Variants in ARHGAP20 observed in about 807,000 individuals in gnomAD.
ARHGAP20 encodes the protein rho GTPase-activating protein 20.
ARHGAP20 carries 34 observed loss-of-function variants against 73.7 expected under a neutral mutation model. That is an observed-to-expected ratio of 0.46 (90% CI 0.35 to 0.61). The LOEUF is 0.61. ARHGAP20 is among the 20% of genes least tolerant of loss of function. The pLI is 0.00. For missense variants in ARHGAP20, 1,314 were observed against 1,420.9 expected, an observed-to-expected ratio of 0.92 and a Z score of 1.21; for synonymous variants, 523 against 518.2, an observed-to-expected ratio of 1.01 and a Z score of -0.13.
intron 9 of ARHGAP20, 56 bp downstream of exon 9, chr11:110,606,505 T>C: frequency 1.9e-6 from 3 of 1,546,690 alleles, no homozygotes; most frequent in Non-Finnish European, 2.6e-6. Context: ...TTTGAGTCTT[T>C]GCCTTTGTAC....
chr11:110,686,529 TA>T (rs1011255399), intron 2 of ARHGAP20, among the ~76,000 whole-genome samples: 1 of 152,152 alleles, frequency 6.6e-6, no homozygotes, highest in Non-Finnish European at 1.5e-5. Context: ...TTGTCAATTG[TA>T]AATACTTCCT....
chr11:110,611,286 G>A (rs758372460), intron 7 of ARHGAP20, 23 bp downstream of exon 7: 1 of 1,422,406 alleles, frequency 7.0e-7, no homozygotes, highest in Non-Finnish European at 9.6e-7. Context: ...TTTTAATTAA[G>A]AATGTCTAGC....
chr11:110,700,324 G>T lies in ARHGAP20; in HGVS notation c.106-9695C>A, dbSNP rs573574591. Among the ~76,000 whole-genome samples, 5 of 152,060 alleles carry T rather than the reference G, an allele frequency of 3.3e-5. No individual in the cohort carries two copies. The East Asian group carries it at 7.7e-4, about 24-fold the overall frequency. On this transcript the variant is annotated intron_variant, in intron 1 of 14. Transcript: ENST00000683387. ...AGCATAGTATTAAAATAAGGGCACT[G>T]GGAAAGCTTTTATAGAACTCTAAAT... is the stretch of plus-strand genomic sequence containing the variant.
At chr11:110,688,269 A>AC (rs1255074263) in intron 2 of ARHGAP20, among the ~76,000 whole-genome samples, 4 of 150,072 alleles carry the variant, frequency 2.7e-5, no homozygotes, top group East Asian at 2.0e-4. Context: ...GGTTAGTAAC[A>AC]CCCCCTCCTC....
At chr11:110,625,038 T>A (rs566094562) in intron 3 of ARHGAP20, among the ~76,000 whole-genome samples, 1,564 of 141,274 alleles carry the variant, frequency 0.011, 13 homozygotes, top group South Asian at 0.027. Context: ...TTTTATTTTT[T>A]TTTTTTTTTT....
At chr11:110,636,735 G>C (rs912449859) in intron 2 of ARHGAP20, among the ~76,000 whole-genome samples, 1 of 151,858 alleles carries the variant, frequency 6.6e-6, no homozygotes, top group African/African-American at 2.4e-5. Flanking sequence ...TTCATGGAAG[G>C]AAACAAAAAC....
At chr11:110,600,700 ATAACAGTAACAGTAACCTG>A (rs143176583) in intron 9 of ARHGAP20, among the ~76,000 whole-genome samples, 9,478 of 152,308 alleles carry the variant, frequency 0.062, 369 homozygotes, top group Middle Eastern at 0.099. Context: ...ACAGTAACAT[ATAACAGTAACAGTAACCTG>A]TAACAGTAAC....
At chr11:110,659,960 C>T (rs1422220866) in intron 2 of ARHGAP20, among the ~76,000 whole-genome samples, 2 of 149,978 alleles carry the variant, frequency 1.3e-5, no homozygotes, top group Non-Finnish European at 3.0e-5. Flanking sequence ...TGCTAGATGA[C>T]GAGTTAGTGG....
chr11:110,579,800 G>C lies in ARHGAP20; in HGVS notation c.3146C>G (p.Ser1049Cys). Residue 1049 changes from serine to cysteine, a missense_variant, in exon 15 of 15, where the codon TCC becomes TGC. Ser to Cys is a moderately radical substitution (Grantham distance 112, BLOSUM62 -1). Transcript: ENST00000683387. ...RNGVASLKNWSLKKKAKAARP... is the reference protein window; with the variant it reads ...RNGVASLKNWCLKKKAKAARP... ...GGCTGCCTTTGCTTTCTTTTTGAGG[G>C]ACCAGTTTTTCAAACTGGCCACACC... The C allele has an allele frequency of 1.2e-6, 2 of 1,614,052 alleles. No homozygotes were observed. Among genetic ancestry groups the C allele is most frequent in the Non-Finnish European group, 1.7e-6 (2 of 1,180,024 alleles).
At chr11:110,638,160 A>G (rs1949007877) in intron 2 of ARHGAP20, among the ~76,000 whole-genome samples, 3 of 152,092 alleles carry the variant, frequency 2.0e-5, no homozygotes. Context: ...CCATAAGTAC[A>G]AATTCCATAC....
At chr11:110,613,971 A>G (rs960923157) in intron 6 of ARHGAP20, among the ~76,000 whole-genome samples, 4 of 152,164 alleles carry the variant, frequency 2.6e-5, no homozygotes, top group African/African-American at 9.7e-5. Context: ...AATTATACAT[A>G]ATAGCTGGGG....
chr11:110,585,952 A>G (rs561487559), intron 12 of ARHGAP20, among the ~76,000 whole-genome samples: 1 of 152,306 alleles, frequency 6.6e-6, no homozygotes, highest in East Asian at 1.9e-4. Flanking sequence ...AAGATCATAA[A>G]CTGAAGATTG....
Position 110,580,504 on chromosome 11 carries a change from A to G in ARHGAP20, c.2442T>C (p.His814=). Reference sequence around the variant, plus strand: ...TCACATCAAAGGGCTGGTTCTTGGAATGATCCTGTGAGGACATAGGACTAT... The same window carrying G: ...TCACATCAAAGGGCTGGTTCTTGGAGTGATCCTGTGAGGACATAGGACTAT... The part of the protein sequence containing the change: ...ASYSPMSSQD[H]SKNQPFDVNT... The change falls in exon 15 of 15, where the codon CAT becomes CAC. Residue 814 remains histidine, a synonymous_variant. Transcript: ENST00000683387. 6.2e-7 allele frequency: 1 copy of G among 1,614,176 alleles called. No homozygotes were observed.
chr11:110,710,134 T>A (rs890270610), intron 1 of ARHGAP20, among the ~76,000 whole-genome samples: 1 of 152,192 alleles, frequency 6.6e-6, no homozygotes, highest in African/African-American at 2.4e-5. Context: ...ATTACAGATA[T>A]AGGGATGTTG....
At chr11:110,640,805 T>G (rs1346871986) in intron 2 of ARHGAP20, among the ~76,000 whole-genome samples, 1 of 152,030 alleles carries the variant, frequency 6.6e-6, no homozygotes, top group Non-Finnish European at 1.5e-5. Context: ...CTAATGTATA[T>G]GACGAGTTAA....
In ARHGAP20 at chr11:110,692,024, G is replaced by A. The variant is rs143337626; in HGVS notation, c.106-1395C>T. 9.2e-5 allele frequency among the ~76,000 whole-genome samples: 14 copies of A among 152,146 alleles called. No homozygotes were observed. In the East Asian group the frequency reaches 9.7e-4, roughly 10 times the overall value. ...TGTCTTCCTTCTAGAGAAACAGCCC[G>A]GAGTTATCATCGGATTCCCAGAAAA... On this transcript the variant is annotated intron_variant, in intron 1 of 14. Coordinates refer to ENST00000683387, the MANE Select transcript of ARHGAP20 (RefSeq NM_001384657.1).
intron 3 of ARHGAP20, among the ~76,000 whole-genome samples, chr11:110,625,161 C>A (rs2134937782): frequency 6.6e-6 from 1 of 150,520 alleles, no homozygotes; most frequent in South Asian, 2.1e-4. Context: ...CCTCAGCCTC[C>A]CGAGTAGCTG....
intron 7 of ARHGAP20, 112 bp from the exon 8 acceptor site, chr11:110,609,162 G>A: frequency 1.2e-6 from 1 of 830,676 alleles, no homozygotes; most frequent in East Asian, 2.5e-5. Context: ...CCTACCCAGT[G>A]ATAGTTAGAG....
In ARHGAP20 at chr11:110,712,288, G is replaced by A; in HGVS notation, c.-57C>T. ...GAGGAGGCTACACGATCATGTCCGC[G>A]GGCTGCCGGCCGGAGGGGCGAGGAC... On this transcript the variant is annotated 5_prime_UTR_variant, in exon 1 of 15. Transcript: ENST00000683387. 1.6e-6 allele frequency: 2 copies of A among 1,249,962 alleles called. No individual in the cohort carries two copies. The highest frequency in any genetic ancestry group is 2.0e-6 in the Non-Finnish European group (2 of 984,042). The allele number at this position is 1,249,962 out of a possible 1,614,324, so 77.4% of individuals were successfully genotyped here.
Sources: gnomAD v4.1 joint callset for allele counts (sites outside exome capture counted in the v4.1 genomes callset) on GRCh38, gnomAD v4.1.1 for gene constraint, MANE v1.5 for transcripts, NCBI Gene and HGNC (gene_info 2026-07-23, HGNC 2026-07-21) for gene names.